GGA2: variants seen among roughly 807,000 people sequenced by gnomAD.
GGA2 encodes ADP-ribosylation factor-binding protein GGA2.
GGA2 carries 48 observed loss-of-function variants against 79.5 expected under a neutral mutation model. That is an observed-to-expected ratio of 0.60 (90% CI 0.48 to 0.77). The LOEUF is 0.77. GGA2 is among the 30% of genes least tolerant of loss of function. The pLI, the probability that GGA2 is intolerant of heterozygous loss-of-function variation, is 0.00. For missense variants in GGA2, 770 were observed against 774.0 expected (o/e 0.99, Z 0.06); for synonymous variants, 317 against 302.0 (o/e 1.05, Z -0.51).
chr16:23,478,873 G>A lies in GGA2; in HGVS notation c.1158+10C>T. The A allele has an allele frequency of 2.5e-6, 4 of 1,593,018 alleles. No homozygotes were observed. Among genetic ancestry groups the A allele is most frequent in the Non-Finnish European group, 3.4e-6 (4 of 1,161,730 alleles). On this transcript the variant is annotated intron_variant, in intron 12 of 16. Transcript: ENST00000309859. Reference sequence around the variant, plus strand: ...ATTCTCTCTCCGGGCCCTGGGAAGGGCATCCTTACCATGCCTGTAACAGGA... The same window carrying A: ...ATTCTCTCTCCGGGCCCTGGGAAGGACATCCTTACCATGCCTGTAACAGGA...
At chr16:23,478,859 G>C in intron 12 of GGA2, 24 bp downstream of exon 12, 1 of 1,564,212 alleles carries the variant, frequency 6.4e-7, no homozygotes, top group Non-Finnish European at 8.8e-7. Flanking sequence ...TTCTCTCTCC[G>C]GGCCCTGGGA....
chr16:23,513,766 G>A (rs1470076406), upstream of GGA2, among the ~76,000 whole-genome samples: 9 of 140,052 alleles, frequency 6.4e-5, no homozygotes, highest in Admixed American at 3.8e-4. Flanking sequence ...GCCTGGGCAC[G>A]GAATGAGACT....
chr16:23,500,321 C>T (rs1049468459), intron 1 of GGA2, among the ~76,000 whole-genome samples: 3 of 152,232 alleles, frequency 2.0e-5, no homozygotes, highest in African/African-American at 4.8e-5. Context: ...AGCCAGGAGC[C>T]GAGCTGCCTC....
Position 23,519,041 on chromosome 16 carries a change from CTTTT to C in GGA2, c.61+542_61+545del, listed in dbSNP as rs368986914. Among the ~76,000 whole-genome samples, 48 of 104,566 alleles carry C rather than the reference CTTTT, an allele frequency of 4.6e-4. 1 individual carries two copies. The highest frequency in any genetic ancestry group is 2.3e-3 in the Admixed American group (23 of 9,794). 68.6% of individuals were successfully genotyped at this position (104,566 alleles called of 152,430 possible). A position where few individuals can be genotyped will look rare whatever the true frequency, so the allele number is the denominator to read the frequency against. ...TGTAATTTTCTAGAACGGATACTGT[CTTTT>C]TTTTTTTTTTTTTTTTGAGACAGTC... On this transcript the variant is annotated intron_variant, in intron 2 of 5. Coordinates refer to the GGA2 transcript ENST00000569300.
intron 1 of GGA2, among the ~76,000 whole-genome samples, chr16:23,507,365 T>C (rs1384752315): frequency 6.6e-6 from 1 of 152,246 alleles, no homozygotes; most frequent in Non-Finnish European, 1.5e-5. Context: ...GCCAGGCTCA[T>C]GCCTATAATC....
At chr16:23,503,741 A>G (rs1964944787) in intron 1 of GGA2, among the ~76,000 whole-genome samples, 1 of 152,214 alleles carries the variant, frequency 6.6e-6, no homozygotes, top group African/African-American at 2.4e-5. Flanking sequence ...GGGGGGAAAA[A>G]AGATTTATCA....
At chr16:23,524,027 G>A (rs990894401), upstream of GGA2, 1 of 224,938 alleles carries the variant, frequency 4.4e-6, no homozygotes, top group African/African-American at 2.3e-5. Flanking sequence ...ATTTTGTTAT[G>A]GGGGCCCTAG....
At chr16:23,478,989 C>T (rs748968554) in intron 11 of GGA2, 78 bp from the exon 12 acceptor site, 2 of 962,868 alleles carry the variant, frequency 2.1e-6, no homozygotes, top group South Asian at 1.3e-5. Flanking sequence ...CACACCCATC[C>T]TTTCTAGGAC....
intron 9 of GGA2, 55 bp downstream of exon 9, chr16:23,482,868 A>G (rs1323999865): frequency 3.0e-6 from 3 of 993,598 alleles, no homozygotes; most frequent in African/African-American, 3.2e-5. Flanking sequence ...GACAGGAGGG[A>G]CCGAGTCTGT....
At chr16:23,487,233 G>A (rs1964727163) in intron 6 of GGA2, among the ~76,000 whole-genome samples, 1 of 152,124 alleles carries the variant, frequency 6.6e-6, no homozygotes, top group Non-Finnish European at 1.5e-5. Flanking sequence ...ACCCACCTCG[G>A]CCTCCCAAAA....
chr16:23,508,703 G>C (rs1567371320), intron 1 of GGA2, among the ~76,000 whole-genome samples: 1 of 152,038 alleles, frequency 6.6e-6, no homozygotes, highest in Admixed American at 6.6e-5. Flanking sequence ...AGCTTCTCCC[G>C]CAAGCTCACT....
At chr16:23,503,301 CAT>C (rs1173049427) in intron 1 of GGA2, among the ~76,000 whole-genome samples, 1 of 152,084 alleles carries the variant, frequency 6.6e-6, no homozygotes, top group Non-Finnish European at 1.5e-5. Context: ...TTAGATGAAA[CAT>C]GTTAAAACAT....
At chr16:23,480,446 G>A in intron 10 of GGA2, 199 bp downstream of exon 10, 2 of 519,270 alleles carry the variant, frequency 3.9e-6, no homozygotes, top group South Asian at 6.0e-5. Context: ...AGTCAAAGCT[G>A]GGGTCCAGCC....
chr16:23,512,827 C>A (rs1215783915), upstream of GGA2, among the ~76,000 whole-genome samples: 1 of 150,230 alleles, frequency 6.7e-6, no homozygotes, highest in Non-Finnish European at 1.5e-5. Flanking sequence ...GCCTCAGCCT[C>A]CTGAGCAGCT....
At chr16:23,511,221 C>G (rs971046282), upstream of GGA2, among the ~76,000 whole-genome samples, 1 of 151,856 alleles carries the variant, frequency 6.6e-6, no homozygotes, top group Non-Finnish European at 1.5e-5. Context: ...GGTGCCATCT[C>G]GGCTCACTGC....
chr16:23,497,188 C>T (rs866019074), intron 1 of GGA2, among the ~76,000 whole-genome samples: 3 of 152,112 alleles, frequency 2.0e-5, no homozygotes, highest in Admixed American at 6.5e-5. Flanking sequence ...TGATGAGAAA[C>T]CGTACTGGTT....
At chr16:23,496,093 A>G (rs1964851756) in intron 1 of GGA2, among the ~76,000 whole-genome samples, 1 of 151,874 alleles carries the variant, frequency 6.6e-6, no homozygotes, top group African/African-American at 2.4e-5. Context: ...TTGAGGTCAG[A>G]AGTTTGAGAC....
upstream of GGA2, chr16:23,522,948 A>T (rs551140941): frequency 3.3e-4 from 51 of 152,258 alleles, no homozygotes; most frequent in African/African-American, 1.1e-3. Context: ...CATGTGGAGC[A>T]CTCCATAAGG....
intron 14 of GGA2, among the ~76,000 whole-genome samples, chr16:23,473,883 G>A (rs968245902): frequency 3.9e-5 from 6 of 152,120 alleles, no homozygotes; most frequent in Admixed American, 1.3e-4. Context: ...TGTGCAAAGA[G>A]CTCCCATTGT....
Sources: allele counts gnomAD v4.1 joint callset (sites outside exome capture counted in the v4.1 genomes callset), GRCh38; gene constraint gnomAD v4.1.1; transcripts MANE v1.5; gene names NCBI Gene and HGNC (gene_info 2026-07-23, HGNC 2026-07-21).